DCC: variants seen among roughly 807,000 people sequenced by gnomAD.
DCC encodes DCC netrin 1 receptor.
A neutral mutation model predicts 172.5 loss-of-function variants in DCC; 58 were observed. The observed-to-expected ratio is 0.34, with a 90% CI of 0.27 to 0.42. The LOEUF is 0.42. Among genes scored for constraint, DCC ranks in the 10% least tolerant of loss-of-function variants. The pLI, the probability that DCC is intolerant of heterozygous loss-of-function variation, is 1.00. For synonymous variants in DCC, 709 were observed against 644.5 expected, an observed-to-expected ratio of 1.10 and a Z score of -1.52; for missense variants, 1,740 against 1,791.0, an observed-to-expected ratio of 0.97 and a Z score of 0.51.
intron 1 of DCC, among the ~76,000 whole-genome samples, chr18:52,418,015 G>A (rs903418483): frequency 5.9e-5 from 9 of 152,040 alleles, no homozygotes; most frequent in Non-Finnish European, 1.0e-4. Context: ...ATAGGACCCC[G>A]GAAAATTGAT....
At chr18:53,190,390 G>A (rs2144509897) in intron 9 of DCC, among the ~76,000 whole-genome samples, 1 of 151,540 alleles carries the variant, frequency 6.6e-6, no homozygotes, top group East Asian at 1.9e-4. Flanking sequence ...AAAATTAAAT[G>A]CAAAAAAACT....
At chr18:52,600,793 A>G (rs1431024907) in intron 1 of DCC, among the ~76,000 whole-genome samples, 1 of 152,180 alleles carries the variant, frequency 6.6e-6, no homozygotes, top group Non-Finnish European at 1.5e-5. Context: ...AGAAAATTAC[A>G]AAATATAACT....
chr18:52,612,552 G>A (rs1304514628), intron 1 of DCC, among the ~76,000 whole-genome samples: 1 of 151,154 alleles, frequency 6.6e-6, no homozygotes, highest in Non-Finnish European at 1.5e-5. Context: ...AAATTCTTCA[G>A]TTTGACTGAG....
intron 5 of DCC, among the ~76,000 whole-genome samples, chr18:52,927,047 A>C (rs1249115027): frequency 1.6e-5 from 2 of 128,542 alleles, no homozygotes; most frequent in Admixed American, 1.5e-4. Flanking sequence ...ATGCCAATAC[A>C]TATATATACA....
At chr18:52,551,142 T>C (rs1448099621) in intron 1 of DCC, among the ~76,000 whole-genome samples, 1 of 151,850 alleles carries the variant, frequency 6.6e-6, no homozygotes, top group Non-Finnish European at 1.5e-5. Flanking sequence ...GAGAATGTGG[T>C]CAGTGGCAAA....
intron 1 of DCC, among the ~76,000 whole-genome samples, chr18:52,535,262 C>T (rs2032256924): frequency 6.6e-6 from 1 of 152,146 alleles, no homozygotes; most frequent in Non-Finnish European, 1.5e-5. Context: ...ATATTGGTGC[C>T]TTGCCTTTGT....
chr18:53,184,020 A>C (rs80306818), intron 9 of DCC, among the ~76,000 whole-genome samples: 17 of 142,534 alleles, frequency 1.2e-4, no homozygotes, highest in Admixed American at 2.1e-4. Context: ...AAAAAAAAAA[A>C]AACTCCCTGA....
chr18:53,087,192 G>A (rs1399660007), intron 7 of DCC, among the ~76,000 whole-genome samples: 3 of 152,076 alleles, frequency 2.0e-5, no homozygotes, highest in African/African-American at 7.2e-5. Flanking sequence ...CTTCCACCAT[G>A]GTTGAACTAG....
At chr18:53,433,863 G>T (rs902848378) in intron 21 of DCC, among the ~76,000 whole-genome samples, 1 of 152,032 alleles carries the variant, frequency 6.6e-6, no homozygotes. Context: ...TAAACATGCC[G>T]TTTTATGCTG....
chr18:52,966,516 G>GTGGAGGGACAGCTGGCTTCTA, intron 5 of DCC, among the ~76,000 whole-genome samples: 1 of 152,126 alleles, frequency 6.6e-6, no homozygotes, highest in African/African-American at 2.4e-5. Context: ...GCTGGCTTCT[G>GTGGAGGGACAGCTGGCTTCTA]GTGGAGGGAC....
intron 1 of DCC, among the ~76,000 whole-genome samples, chr18:52,352,385 C>T (rs899239383): frequency 6.6e-5 from 10 of 152,120 alleles, no homozygotes; most frequent in Admixed American, 3.3e-4. Context: ...TGAAATCAAT[C>T]ACATCATGGT....
chr18:52,875,717 G>T (rs2039393475), intron 2 of DCC, among the ~76,000 whole-genome samples: 1 of 152,208 alleles, frequency 6.6e-6, no homozygotes, highest in Non-Finnish European at 1.5e-5. Flanking sequence ...TTGCAGGCTT[G>T]CAGTTCTGTT....
At chr18:52,946,960 AAC>A (rs2040556695) in intron 5 of DCC, among the ~76,000 whole-genome samples, 1 of 152,162 alleles carries the variant, frequency 6.6e-6, no homozygotes, top group African/African-American at 2.4e-5. Context: ...ACAAATATTA[AAC>A]ACAGAATCTG....
intron 13 of DCC, among the ~76,000 whole-genome samples, chr18:53,317,159 G>A (rs906495720): frequency 1.3e-5 from 2 of 152,194 alleles, no homozygotes; most frequent in East Asian, 1.9e-4. Flanking sequence ...ATGAAGAGGT[G>A]TTGGATTTTA....
At chr18:53,245,509 G>C (rs147650143) in intron 12 of DCC, among the ~76,000 whole-genome samples, 2 of 152,052 alleles carry the variant, frequency 1.3e-5, no homozygotes, top group African/African-American at 4.8e-5. Context: ...CATATGAATA[G>C]AATTATGTAA....
rs58797605 is a variant in DCC at position 53,047,428 on chromosome 18, CATATATATAT to C, written c.986-15851_986-15842del. Among the ~76,000 whole-genome samples the C allele has an allele frequency of 3.6e-3, 179 of 50,050 alleles. 2 individuals carry two copies. In the Middle Eastern group the frequency reaches 0.042, roughly 12 times the overall value. The allele number at this position is 50,050 out of a possible 152,430, so 32.8% of individuals were successfully genotyped here. A position where few individuals can be genotyped will look rare whatever the true frequency, so the allele number is the denominator to read the frequency against. On this transcript the variant is annotated intron_variant, in intron 5 of 28. Coordinates refer to ENST00000442544, the MANE Select transcript of DCC (RefSeq NM_005215.4). Reference sequence around the variant, plus strand: ...TATATTTTATGTATTATATATTTTACATATATATATATATATATATATATATATATATATA... The same window carrying C: ...TATATTTTATGTATTATATATTTTACATATATATATATATATATATATATA...
chr18:53,085,443 T>G (rs2042864202), intron 7 of DCC, among the ~76,000 whole-genome samples: 1 of 152,074 alleles, frequency 6.6e-6, no homozygotes, highest in Non-Finnish European at 1.5e-5. Context: ...TCTTTATGTG[T>G]AAGAAACTGG....
At chr18:53,018,428 T>A (rs7505453) in intron 5 of DCC, among the ~76,000 whole-genome samples, 69,502 of 151,990 alleles carry the variant, frequency 0.46, 16,850 homozygotes, top group Non-Finnish European at 0.55. Context: ...CTCCTCTTTT[T>A]TTGTGCAAAA....
intron 3 of DCC, among the ~76,000 whole-genome samples, chr18:52,911,527 G>T (rs1406452678): frequency 1.3e-5 from 2 of 152,024 alleles, no homozygotes; most frequent in Non-Finnish European, 2.9e-5. Flanking sequence ...CAGACCCCAT[G>T]ATATTAACTA....
Sources: allele counts gnomAD v4.1 joint callset (sites outside exome capture counted in the v4.1 genomes callset), GRCh38; gene constraint gnomAD v4.1.1; transcripts MANE v1.5; gene names NCBI Gene and HGNC (gene_info 2026-07-23, HGNC 2026-07-21).